Variants in MSH4 observed in about 807,000 individuals in gnomAD.
MSH4 encodes the protein mutS homolog 4.
MSH4 carries 106 observed loss-of-function variants against 113.7 expected under a neutral mutation model. That is an observed-to-expected ratio of 0.93 (90% CI 0.80 to 1.10). The LOEUF (loss-of-function observed/expected upper bound fraction) is 1.10, where lower values mean the gene tolerates loss of function less well. MSH4 is among the 50% of genes least tolerant of loss of function. MSH4 has a pLI of 0.00. For missense variants in MSH4, 1,061 were observed against 1,093.7 expected, an observed-to-expected ratio of 0.97 and a Z score of 0.42; for synonymous variants, 368 against 380.2, an observed-to-expected ratio of 0.97 and a Z score of 0.37.
Position 75,857,598 on chromosome 1 carries a change from A to C in MSH4, c.1230+9322A>C, listed in dbSNP as rs182994780. 3.5e-3 allele frequency among the ~76,000 whole-genome samples: 538 copies of C among 152,288 alleles called. 5 individuals are homozygous for C. The highest frequency in any genetic ancestry group is 0.012 in the African/African-American group (509 of 41,560). ...GGTTTGTCAAAGATCAGATGGTCGTACATGTGTGGTGTTATTTCTGAGGCC... is the reference window on the plus strand; with the variant it reads ...GGTTTGTCAAAGATCAGATGGTCGTCCATGTGTGGTGTTATTTCTGAGGCC... On this transcript the variant is annotated intron_variant, in intron 8 of 19. Transcript: ENST00000263187.
At chr1:75,871,393 A>T (rs890402494) in intron 9 of MSH4, among the ~76,000 whole-genome samples, 4 of 152,204 alleles carry the variant, frequency 2.6e-5, no homozygotes, top group African/African-American at 9.7e-5. Context: ...AATTTCTGTC[A>T]TCATAAAACT....
chr1:75,807,094 C>T lies in MSH4; in HGVS notation c.541C>T (p.Pro181Ser), dbSNP rs750100005. Residue 181 changes from proline to serine, a missense_variant, in exon 3 of 20, where the codon CCC becomes TCC. Coordinates refer to ENST00000263187, the MANE Select transcript of MSH4 (RefSeq NM_002440.4). ...IGMASIDLKNPQIILSQFADN... is the reference protein window; with the variant it reads ...IGMASIDLKNSQIILSQFADN... ...AATGGCAAGTATTGATTTAAAAAAC[C>T]CCCAAATTATACTATCCCAGTTTGC... 3.2e-6 allele frequency: 5 copies of T among 1,582,924 alleles called. No individual in the cohort carries two copies. Among genetic ancestry groups the T allele is most frequent in the African/African-American group, 1.4e-5 (1 of 72,748 alleles).
At chr1:75,895,212 A>T (rs1398635542) in intron 17 of MSH4, among the ~76,000 whole-genome samples, 1 of 152,106 alleles carries the variant, frequency 6.6e-6, no homozygotes, top group Non-Finnish European at 1.5e-5. Context: ...GGCTGAAGTG[A>T]TTGATCCTGA....
intron 9 of MSH4, among the ~76,000 whole-genome samples, chr1:75,869,851 C>T (rs12031600): frequency 0.26 from 39,565 of 152,124 alleles, 6,552 homozygotes; most frequent in East Asian, 0.68. Context: ...GCAAAAGCCC[C>T]CACACAGAGT....
chr1:75,822,581 G>T lies in MSH4; in HGVS notation c.1162G>T (p.Val388Phe). The T allele has an allele frequency of 7.0e-7, 1 of 1,432,024 alleles. No homozygotes were observed. The highest frequency in any genetic ancestry group is 9.3e-7 in the Non-Finnish European group (1 of 1,071,920). 88.7% of individuals were successfully genotyped at this position (1,432,024 alleles called of 1,614,324 possible). The change falls in exon 7 of 20, where the codon GTT (valine) becomes TTT (phenylalanine). Residue 388 changes from valine to phenylalanine, a missense_variant and splice_region_variant. Val to Phe is a conservative substitution (Grantham distance 50, BLOSUM62 -1). Coordinates refer to ENST00000263187, the MANE Select transcript of MSH4 (RefSeq NM_002440.4). ...DEELFFGLQS[V>F]ISRFLDTEQL... is the part of the protein sequence containing the mutation. ...GGAACTATTTTTTGGACTTCAATCA[G>T]GTAAATCAATATTATTTAATATTAT... is the stretch of plus-strand genomic sequence containing the variant.
intron 1 of MSH4, among the ~76,000 whole-genome samples, chr1:75,801,782 G>A (rs914575943): frequency 6.6e-6 from 1 of 151,664 alleles, no homozygotes; most frequent in Non-Finnish European, 1.5e-5. Context: ...GAAGCAGGAG[G>A]TTACTTGAGC....
chr1:75,911,115 T>C (rs72983265), intron 19 of MSH4, among the ~76,000 whole-genome samples: 2,976 of 151,938 alleles, frequency 0.02, 104 homozygotes, highest in African/African-American at 0.07. Flanking sequence ...CCATACTAGA[T>C]TGTCAAGGAT....
chr1:75,864,229 A>C (rs1651517402), intron 8 of MSH4, among the ~76,000 whole-genome samples: 1 of 152,146 alleles, frequency 6.6e-6, no homozygotes, highest in Non-Finnish European at 1.5e-5. Context: ...ATGATATTCC[A>C]CTGTATATTA....
chr1:75,865,624 ATTGGAGAGT>A (rs1651546726), intron 8 of MSH4, among the ~76,000 whole-genome samples: 1 of 152,142 alleles, frequency 6.6e-6, no homozygotes, highest in African/African-American at 2.4e-5. Flanking sequence ...GAAGTTTGTG[ATTGGAGAGT>A]TTGTAATATG....
At position 75,874,453 on chromosome 1, in the gene MSH4, G is replaced by T. The variant is rs554477194; in HGVS notation, c.1306-2483G>T. Among the ~76,000 whole-genome samples the T allele has an allele frequency of 1.2e-4, 19 of 152,074 alleles. No homozygotes were observed. In the East Asian group the frequency reaches 3.7e-3, roughly 29 times the overall value. On this transcript the variant is annotated intron_variant, in intron 9 of 19. Coordinates refer to ENST00000263187, the MANE Select transcript of MSH4 (RefSeq NM_002440.4). ...GTAATCCTCCAACCTTTCCTGAGTA[G>T]CTGGGAGTACAGGCATATGTCACTA...
In MSH4 at chr1:75,881,354, C is replaced by T. The variant is rs1557521602; in HGVS notation, c.1890C>T (p.Cys630=). ...TGCTACTGTCATTTGCTCATGCCTG[C>T]ACTCTTTCTGACTATGGTAAGTTGC... ...LDMLLSFAHA[C]TLSDYVRPEF... is the part of the protein sequence containing the mutation. Residue 630 remains cysteine, a synonymous_variant, in exon 14 of 20, where the codon TGC becomes TGT. Coordinates refer to ENST00000263187, the MANE Select transcript of MSH4 (RefSeq NM_002440.4). 1.9e-6 allele frequency: 3 copies of T among 1,611,480 alleles called. No individual in the cohort carries two copies. The highest frequency in any genetic ancestry group is 1.7e-5 in the Admixed American group (1 of 59,854).
At chr1:75,841,390 G>A (rs545576706) in intron 7 of MSH4, among the ~76,000 whole-genome samples, 2 of 152,102 alleles carry the variant, frequency 1.3e-5, no homozygotes, top group African/African-American at 4.8e-5. Context: ...TAGAGCCAGG[G>A]TCTTGCTCTG....
chr1:75,825,448 C>T (rs748508505), intron 7 of MSH4, among the ~76,000 whole-genome samples: 2 of 151,978 alleles, frequency 1.3e-5, no homozygotes, highest in Non-Finnish European at 2.9e-5. Flanking sequence ...ATATGAATAC[C>T]CTTTATTTCT....
At chr1:75,854,340 A>G (rs898258949) in intron 8 of MSH4, among the ~76,000 whole-genome samples, 1 of 151,992 alleles carries the variant, frequency 6.6e-6, no homozygotes, top group Admixed American at 6.6e-5. Flanking sequence ...CCTATGCTGT[A>G]GTACTCCCTG....
chr1:75,877,209 A>C (rs1245544099), intron 10 of MSH4, among the ~76,000 whole-genome samples: 3 of 152,136 alleles, frequency 2.0e-5, no homozygotes, highest in Non-Finnish European at 4.4e-5. Flanking sequence ...TTTGTGTTAA[A>C]GGACAATTAG....
intron 19 of MSH4, among the ~76,000 whole-genome samples, chr1:75,911,210 G>T (rs1028369318): frequency 1.3e-5 from 2 of 151,224 alleles, no homozygotes. Context: ...ATTTTCCTTT[G>T]TTTTCTACAC....
At chr1:75,908,170 G>C (rs1333805931) in intron 19 of MSH4, among the ~76,000 whole-genome samples, 1 of 134,948 alleles carries the variant, frequency 7.4e-6, no homozygotes, top group Non-Finnish European at 1.5e-5. Flanking sequence ...TTTTGAGACA[G>C]AGTCTGGCTC....
In MSH4 at chr1:75,879,269, A is replaced by G. The variant is rs5745455; in HGVS notation, c.1677+141A>G. 22 of 703,852 alleles carry G rather than the reference A, an allele frequency of 3.1e-5. No individual in the cohort carries two copies. In the Admixed American group the frequency reaches 6.2e-4, roughly 20 times the overall value. 43.6% of individuals were successfully genotyped at this position (703,852 alleles called of 1,614,324 possible). On this transcript the variant is annotated intron_variant, in intron 12 of 19. Coordinates refer to ENST00000263187, the MANE Select transcript of MSH4 (RefSeq NM_002440.4). ...CCTATTCCTACCCACCCACCTAACT[A>G]ATGTACTAATCTAAGAGTGATTTAG...
intron 4 of MSH4, among the ~76,000 whole-genome samples, chr1:75,814,245 G>GC (rs1376502172): frequency 4.2e-5 from 6 of 144,168 alleles, no homozygotes; most frequent in Non-Finnish European, 7.5e-5. Context: ...TTGAGCCCAG[G>GC]AGTTTGACAC....
Sources: allele counts gnomAD v4.1 joint callset (sites outside exome capture counted in the v4.1 genomes callset), GRCh38; gene constraint gnomAD v4.1.1; transcripts MANE v1.5; gene names NCBI Gene and HGNC (gene_info 2026-07-23, HGNC 2026-07-21).